Variants in DNAJC6 observed in about 807,000 individuals in gnomAD.
The protein encoded by DNAJC6 is DnaJ heat shock protein family (Hsp40) member C6, also known as auxilin.
DNAJC6 carries 34 observed loss-of-function variants against 110.0 expected under a neutral mutation model. The observed-to-expected ratio is 0.31, with a 90% CI of 0.24 to 0.41. The LOEUF is 0.41. Among genes scored for constraint, DNAJC6 ranks in the 10% least tolerant of loss-of-function variants. DNAJC6 has a pLI of 1.00. For missense variants in DNAJC6, 1,031 were observed against 1,207.8 expected (o/e 0.85, Z 2.17); for synonymous variants, 406 against 437.2 (o/e 0.93, Z 0.89).
chr1:65,311,990 G>A (rs1645105940), intron 1 of DNAJC6, among the ~76,000 whole-genome samples: 3 of 152,198 alleles, frequency 2.0e-5, no homozygotes, highest in Admixed American at 2.0e-4. Flanking sequence ...CCTATGGTAA[G>A]TCCTGGATTT....
intron 8 of DNAJC6, 83 bp from the exon 9 acceptor site, chr1:65,388,253 G>T: frequency 3.4e-6 from 4 of 1,172,318 alleles, no homozygotes; most frequent in Non-Finnish European, 5.1e-6. Flanking sequence ...AGTTGAAGGT[G>T]CATGTCTCCC....
intron 1 of DNAJC6, among the ~76,000 whole-genome samples, chr1:65,311,215 G>GGTTTT (rs1645096395): frequency 1.5e-5 from 1 of 68,830 alleles, no homozygotes; most frequent in Non-Finnish European, 2.7e-5. Context: ...TTTCAGGACT[G>GGTTTT]TTTTTTTTTT....
chr1:65,345,602 G>T, intron 1 of DNAJC6: 1 of 962,204 alleles, frequency 1.0e-6, no homozygotes, highest in Non-Finnish European at 1.2e-6. Flanking sequence ...TCTTTTCCTG[G>T]TTCTCCAGGA....
chr1:65,407,255 C>CA (rs1435377125), intron 16 of DNAJC6, among the ~76,000 whole-genome samples: 1 of 151,506 alleles, frequency 6.6e-6, no homozygotes, highest in South Asian at 2.1e-4. Context: ...GTTATCAGAT[C>CA]AAAAAAAAGA....
At chr1:65,313,801 C>T (rs1471187735) in intron 1 of DNAJC6, among the ~76,000 whole-genome samples, 4 of 152,194 alleles carry the variant, frequency 2.6e-5, no homozygotes. Context: ...AGCTCTCTGC[C>T]TTCCCTGGCT....
At chr1:65,373,987 T>C (rs1480015598) in intron 4 of DNAJC6, among the ~76,000 whole-genome samples, 1 of 152,180 alleles carries the variant, frequency 6.6e-6, no homozygotes, top group Admixed American at 6.5e-5. Context: ...TCTATTTTCA[T>C]TTTTCTGCAT....
intron 1 of DNAJC6, among the ~76,000 whole-genome samples, chr1:65,282,709 C>T (rs1031967345): frequency 6.6e-6 from 1 of 152,090 alleles, no homozygotes; most frequent in Non-Finnish European, 1.5e-5. Flanking sequence ...TCCTGGTGTT[C>T]CTAAGGAAAG....
chr1:65,406,188 C>A, intron 16 of DNAJC6, 55 bp downstream of exon 16: 1 of 1,568,268 alleles, frequency 6.4e-7, no homozygotes. Flanking sequence ...TGTTGTCATA[C>A]TGCCTGAATG....
intron 15 of DNAJC6, 108 bp from the exon 16 acceptor site, chr1:65,405,762 G>A: frequency 1.6e-6 from 2 of 1,290,222 alleles, no homozygotes; most frequent in East Asian, 2.4e-5. Context: ...TACTTATGCT[G>A]TCAGTCAAGG....
At chr1:65,381,018 G>A (rs543554136) in intron 5 of DNAJC6, among the ~76,000 whole-genome samples, 8 of 143,718 alleles carry the variant, frequency 5.6e-5, no homozygotes, top group African/African-American at 1.5e-4. Context: ...TCCCAGGTTC[G>A]AGTGATTCTC....
chr1:65,312,354 T>G (rs1645109223), intron 1 of DNAJC6, among the ~76,000 whole-genome samples: 1 of 152,222 alleles, frequency 6.6e-6, no homozygotes, highest in African/African-American at 2.4e-5. Flanking sequence ...AGAGTAGGAT[T>G]CTTTTACTAG....
In DNAJC6 at chr1:65,298,829, A is replaced by G; in HGVS notation, c.-131+33897A>G. 1.3e-5 allele frequency: 2 copies of G among 152,388 alleles called. 1 individual carries two copies. Among genetic ancestry groups the G allele is most frequent in the Non-Finnish European group, 2.9e-5 (2 of 68,052 alleles). The allele number at this position is 152,388 out of a possible 1,614,324, so 9.4% of individuals were successfully genotyped here. On this transcript the variant is annotated intron_variant, in intron 1 of 19. Transcript: ENST00000263441. ...AATTATAATTTCTGTAGAAATCTGCATATGCCTTCTTTCTTGGTCAGGCCA... is the reference window on the plus strand; with the variant it reads ...AATTATAATTTCTGTAGAAATCTGCGTATGCCTTCTTTCTTGGTCAGGCCA...
intron 1 of DNAJC6, among the ~76,000 whole-genome samples, chr1:65,300,140 AGCAAAATAACAGTG>A (rs1397210379): frequency 6.6e-6 from 1 of 152,190 alleles, no homozygotes; most frequent in African/African-American, 2.4e-5. Context: ...AACAGAAAAA[AGCAAAATAACAGTG>A]GCAAAATAAT....
rs1557514202 is a variant in DNAJC6 at position 65,309,860 on chromosome 1, CAG to C, written c.120_121del (p.Arg40SerfsTer41). ...SAGSGGVGGK[Q>X]RVNAGAAARS... ...GGGAAGCGGCGGGGTTGGCGGCAAG[CAG>C]AGAGTGAACGCCGGGGCAGCGGCGC... On this transcript the variant is annotated frameshift_variant, in exon 1 of 19. Coordinates refer to ENST00000371069, the MANE Select transcript of DNAJC6 (RefSeq NM_001256864.2). LOFTEE classifies it high-confidence loss of function. 2 of 1,548,186 alleles carry C rather than the reference CAG, an allele frequency of 1.3e-6. No individual in the cohort carries two copies. The highest frequency in any genetic ancestry group is 2.0e-5 in the Admixed American group (1 of 50,888).
At chr1:65,325,058 C>A (rs1007507879) in intron 1 of DNAJC6, among the ~76,000 whole-genome samples, 1 of 152,150 alleles carries the variant, frequency 6.6e-6, no homozygotes, top group African/African-American at 2.4e-5. Context: ...GGAATTTCTA[C>A]CAGGCTGCAG....
chr1:65,408,623 T>G lies in DNAJC6; in HGVS notation c.2492-18T>G. On this transcript the variant is annotated intron_variant, in intron 16 of 18. Coordinates refer to ENST00000371069, the MANE Select transcript of DNAJC6 (RefSeq NM_001256864.2). The stretch of plus-strand genomic sequence containing the variant: ...TTAAGAATGAAAACTGTAATGATTT[T>G]CAAAAATTATATTGCAGAAGGGAAA... The G allele has an allele frequency of 6.3e-7, 1 of 1,599,242 alleles. No individual in the cohort carries two copies. The highest frequency in any genetic ancestry group is 8.5e-7 in the Non-Finnish European group (1 of 1,176,278).
intron 1 of DNAJC6, among the ~76,000 whole-genome samples, chr1:65,298,012 G>A (rs1016486987): frequency 4.1e-5 from 6 of 145,050 alleles, no homozygotes; most frequent in Non-Finnish European, 7.5e-5. Flanking sequence ...CCCACTCCCT[G>A]GCTCCCCCTA....
At position 65,301,925 on chromosome 1, in the gene DNAJC6, A is replaced by G. The variant is rs55752537; in HGVS notation, c.-131+36993A>G. ...TGGGATGAGGGTCTTATGACCCACAATCAGATAAGAGTCCTGCCTTGGACA... is the reference window on the plus strand; with the variant it reads ...TGGGATGAGGGTCTTATGACCCACAGTCAGATAAGAGTCCTGCCTTGGACA... On this transcript the variant is annotated intron_variant, in intron 1 of 19. Coordinates refer to the DNAJC6 transcript ENST00000263441. Among the ~76,000 whole-genome samples, 465 of 151,726 alleles carry G rather than the reference A, an allele frequency of 3.1e-3. 1 individual carries two copies. The highest frequency in any genetic ancestry group is 0.011 in the African/African-American group (447 of 41,372).
chr1:65,405,866 T>C lies in DNAJC6; in HGVS notation c.2228-4T>C, dbSNP rs1219408056. ...TTACCTTCTTTATCTCTTTTTTTCT[T>C]TAGGTAGTTCTTCCTTTGCCAGCAA... is the stretch of plus-strand genomic sequence containing the variant. On this transcript the variant is annotated splice_polypyrimidine_tract_variant and splice_region_variant and intron_variant, in intron 15 of 18. Transcript: ENST00000371069. 6.3e-7 allele frequency: 1 copy of C among 1,592,048 alleles called. No individual in the cohort carries two copies. Among genetic ancestry groups the C allele is most frequent in the East Asian group, 2.2e-5 (1 of 44,624 alleles).
Sources: allele counts gnomAD v4.1 joint callset (sites outside exome capture counted in the v4.1 genomes callset), GRCh38; gene constraint gnomAD v4.1.1; transcripts MANE v1.5; gene names NCBI Gene and HGNC (gene_info 2026-07-23, HGNC 2026-07-21).